The following PHC3 variants were observed in gnomAD, a reference collection of about 807,000 sequenced individuals.
The protein encoded by PHC3 is polyhomeotic homolog 3.
In PHC3, 13 loss-of-function variants were observed where a neutral mutation model predicts 107.4. The observed-to-expected ratio is 0.12, with a 90% CI of 0.08 to 0.19. The LOEUF (loss-of-function observed/expected upper bound fraction) is 0.19. PHC3 is among the 10% of genes least tolerant of loss of function. PHC3 has a pLI of 1.00. For missense variants in PHC3, 992 were observed against 1,210.9 expected, an observed-to-expected ratio of 0.82 and a Z score of 2.68; for synonymous variants, 456 against 427.4, an observed-to-expected ratio of 1.07 and a Z score of -0.83.
intron 5 of PHC3, chr3:170,147,926 T>G (rs929361557): frequency 3.9e-5 from 6 of 152,216 alleles, no homozygotes; most frequent in Admixed American, 6.5e-5. Flanking sequence ...AACCTAATTT[T>G]AAAGCATAGT....
chr3:170,126,259 A>T (rs1455648439), intron 8 of PHC3, among the ~76,000 whole-genome samples: 1 of 152,004 alleles, frequency 6.6e-6, no homozygotes, highest in Non-Finnish European at 1.5e-5. Flanking sequence ...CATTTGGTCA[A>T]AGGTAATAAA....
chr3:170,157,450 AAATGCAGT>A (rs1727069316), intron 4 of PHC3, among the ~76,000 whole-genome samples: 1 of 152,258 alleles, frequency 6.6e-6, no homozygotes, highest in Non-Finnish European at 1.5e-5. Flanking sequence ...TATTTTACAA[AAATGCAGT>A]AAAGCTGCTT....
rs138936184 is a variant in PHC3, at chr3:170,169,095, C to T, written c.414+2278G>A. On this transcript the variant is annotated intron_variant, in intron 4 of 14. Coordinates refer to ENST00000495893, the MANE Select transcript of PHC3 (RefSeq NM_024947.4). ...AAAAATTTCAGATTTTAGAGCATTT[C>T]GGGTTTTCATATTAGGAATAATCAA... 3.2e-4 allele frequency among the ~76,000 whole-genome samples: 49 copies of T among 152,140 alleles called. 2 individuals are homozygous for T. The East Asian group carries it at 6.6e-3, about 20-fold the overall frequency.
At chr3:170,142,041 CTATGT>C (rs1222886685) in intron 6 of PHC3, among the ~76,000 whole-genome samples, 1 of 152,154 alleles carries the variant, frequency 6.6e-6, no homozygotes, top group Non-Finnish European at 1.5e-5. Flanking sequence ...TGTGGAGGCA[CTATGT>C]TAAGTACTTT....
intron 6 of PHC3, among the ~76,000 whole-genome samples, chr3:170,140,500 C>T (rs1208848277): frequency 6.7e-6 from 1 of 150,270 alleles, no homozygotes; most frequent in African/African-American, 2.4e-5. Flanking sequence ...GTGATCCACC[C>T]ATCTCAGCCT....
chr3:170,157,332 G>T (rs373618878), intron 4 of PHC3, among the ~76,000 whole-genome samples: 11 of 152,340 alleles, frequency 7.2e-5, no homozygotes, highest in Admixed American at 2.6e-4. Flanking sequence ...TAATACATAG[G>T]ATAAGATGTG....
intron 4 of PHC3, among the ~76,000 whole-genome samples, chr3:170,153,528 C>G (rs1726360794): frequency 1.3e-5 from 2 of 152,092 alleles, no homozygotes; most frequent in African/African-American, 4.8e-5. Flanking sequence ...CTTTGGGAGG[C>G]CGAGGCGGGC....
chr3:170,112,525 T>C (rs1577007864), intron 11 of PHC3, among the ~76,000 whole-genome samples: 1 of 67,194 alleles, frequency 1.5e-5, no homozygotes, highest in South Asian at 5.1e-4. Context: ...GCCTGGCCTA[T>C]TTTTTTTTTT....
intron 6 of PHC3, among the ~76,000 whole-genome samples, chr3:170,139,328 T>C (rs1276569321): frequency 6.6e-6 from 1 of 152,222 alleles, no homozygotes; most frequent in Non-Finnish European, 1.5e-5. Context: ...TTAAAATCTG[T>C]TCATGTTTAC....
intron 7 of PHC3, among the ~76,000 whole-genome samples, chr3:170,132,344 G>T (rs1453735341): frequency 6.6e-6 from 1 of 152,132 alleles, no homozygotes; most frequent in African/African-American, 2.4e-5. Context: ...GGCTATTAAG[G>T]ACAGCATTAG....
intron 4 of PHC3, among the ~76,000 whole-genome samples, chr3:170,163,527 A>T (rs1048270068): frequency 6.6e-6 from 1 of 151,812 alleles, no homozygotes; most frequent in African/African-American, 2.4e-5. Flanking sequence ...TCACATGAAA[A>T]CAAACAAAAT....
intron 2 of PHC3, among the ~76,000 whole-genome samples, chr3:170,177,291 A>G (rs909113335): frequency 5.3e-5 from 8 of 152,208 alleles, no homozygotes; most frequent in Non-Finnish European, 1.2e-4. Context: ...AGCAGCACCT[A>G]GAGACTTTCC....
At chr3:170,140,207 C>T (rs1439279892) in intron 6 of PHC3, among the ~76,000 whole-genome samples, 1 of 147,196 alleles carries the variant, frequency 6.8e-6, no homozygotes, top group Admixed American at 6.7e-5. Flanking sequence ...CTGGGGAATA[C>T]TCTTAGAATT....
intron 1 of PHC3, among the ~76,000 whole-genome samples, chr3:170,180,510 G>C (rs980741219): frequency 2.0e-5 from 3 of 150,650 alleles, no homozygotes; most frequent in Non-Finnish European, 4.4e-5. Flanking sequence ...GAAGAAAGCT[G>C]ACTCCTCACT....
chr3:170,113,318 T>C (rs1718194401), intron 11 of PHC3, 42 bp downstream of exon 11: 2 of 1,549,600 alleles, frequency 1.3e-6, no homozygotes, highest in African/African-American at 2.8e-5. Flanking sequence ...GCAGTAAAAG[T>C]CAAAGTTAAA....
chr3:170,175,839 G>A (rs1479560312), intron 2 of PHC3, among the ~76,000 whole-genome samples: 3 of 151,536 alleles, frequency 2.0e-5, no homozygotes, highest in East Asian at 1.9e-4. Context: ...CAGGAGAATC[G>A]CTTGGACCAG....
At chr3:170,116,686 C>T (rs1480346818) in intron 10 of PHC3, among the ~76,000 whole-genome samples, 1 of 152,068 alleles carries the variant, frequency 6.6e-6, no homozygotes, top group African/African-American at 2.4e-5. Context: ...GTAATCCCAG[C>T]ACTTTGGGAC....
Position 170,172,542 on chromosome 3 carries a change from T to C in PHC3, c.336+15A>G. On this transcript the variant is annotated intron_variant, in intron 3 of 14. Coordinates refer to ENST00000495893, the MANE Select transcript of PHC3 (RefSeq NM_024947.4). ...ACAGAAACTTTGATCTCATAAACTC[T>C]TATTTTAGTCTTACCTGAACAGCAG... The C allele has an allele frequency of 6.2e-7, 1 of 1,606,152 alleles. No homozygotes were observed. The highest frequency in any genetic ancestry group is 8.5e-7 in the Non-Finnish European group (1 of 1,178,050).
chr3:170,106,556 G>GA (rs1305262216), intron 12 of PHC3, among the ~76,000 whole-genome samples: 1 of 152,024 alleles, frequency 6.6e-6, no homozygotes, highest in Non-Finnish European at 1.5e-5. Flanking sequence ...TTACCATCAG[G>GA]AGATTACTAC....
Sources: gnomAD v4.1 joint callset for allele counts (sites outside exome capture counted in the v4.1 genomes callset) on GRCh38, gnomAD v4.1.1 for gene constraint, MANE v1.5 for transcripts, NCBI Gene and HGNC (gene_info 2026-07-23, HGNC 2026-07-21) for gene names.